USH2A: variants seen among roughly 807,000 people sequenced by gnomAD.
USH2A encodes usherin.
USH2A carries 443 observed loss-of-function variants against 538.9 expected under a neutral mutation model. The ratio of observed to expected loss-of-function variants is 0.82; its 90% CI spans 0.76 to 0.89. The LOEUF is 0.89. USH2A is among the 40% of genes least tolerant of loss of function. The probability of loss-of-function intolerance (pLI) is 0.00; values close to 1 mark genes in which losing one functional copy is unlikely to be tolerated. For missense variants in USH2A, 6,633 were observed against 6,324.8 expected (o/e 1.05, Z -1.65); for synonymous variants, 2,413 against 2,273.5 (o/e 1.06, Z -1.75).
At chr1:216,020,750 G>A (rs1668827114) in intron 32 of USH2A, among the ~76,000 whole-genome samples, 1 of 152,094 alleles carries the variant, frequency 6.6e-6, no homozygotes, top group Non-Finnish European at 1.5e-5. Flanking sequence ...ATCATCAATG[G>A]CTAATGATTT....
chr1:215,956,722 A>C (rs567793816), intron 37 of USH2A, among the ~76,000 whole-genome samples: 1 of 152,184 alleles, frequency 6.6e-6, no homozygotes, highest in Non-Finnish European at 1.5e-5. Flanking sequence ...GCACTTGTTC[A>C]TTATGTCAAG....
chr1:215,645,955 T>C (rs1656838430), intron 67 of USH2A, among the ~76,000 whole-genome samples: 1 of 152,186 alleles, frequency 6.6e-6, no homozygotes, highest in Admixed American at 6.5e-5. Flanking sequence ...AATTAATTTA[T>C]ATATGGAATA....
chr1:215,625,669 TATAGG>T lies in USH2A; in HGVS notation c.*107_*111del. 3.1e-6 allele frequency: 3 copies of T among 971,192 alleles called. No homozygotes were observed. The highest frequency in any genetic ancestry group is 1.3e-5 in the South Asian group (1 of 74,338). 60.2% of individuals were successfully genotyped at this position (971,192 alleles called of 1,614,324 possible). ...AACAGTCATCATTTCTTTAAAGAAT[TATAGG>T]ATAATAAACAATGGCTTTTCAGCAT... On this transcript the variant is annotated 3_prime_UTR_variant, in exon 72 of 72. Transcript: ENST00000307340.
In USH2A at chr1:215,879,053, A is replaced by G. The variant is rs1159548477; in HGVS notation, c.8269T>C (p.Tyr2757His). Reference protein sequence around the residue: ...PLIQNGDILSYEIHMPDPHIT... With the variant: ...PLIQNGDILSHEIHMPDPHIT... ...TGAGGGTCAGGCATGTGAATCTCAT[A>G]GCTAAGTATGTCTCCGTTCTGGATG... The change falls in exon 42 of 72, where the codon TAT becomes CAT. Residue 2757 changes from tyrosine (Y) to histidine (H), a missense_variant. Physicochemically the swap from Tyr to His is moderately conservative, Grantham distance 83 (BLOSUM62 2). Transcript: ENST00000307340. 3 of 1,613,972 alleles carry G rather than the reference A, an allele frequency of 1.9e-6. No individual in the cohort carries two copies. The African/African-American group carries it at 4.0e-5, about 22-fold the overall frequency.
chr1:216,035,443 A>T (rs566252847), intron 32 of USH2A, among the ~76,000 whole-genome samples: 1 of 152,160 alleles, frequency 6.6e-6, no homozygotes, highest in Non-Finnish European at 1.5e-5. Flanking sequence ...GATGAAACAG[A>T]TTCCTCCTCA....
chr1:215,733,048 T>C (rs1043831729), intron 60 of USH2A, among the ~76,000 whole-genome samples: 2 of 152,050 alleles, frequency 1.3e-5, no homozygotes, highest in Non-Finnish European at 2.9e-5. Context: ...AGAATAGGGA[T>C]TTAACTGGCT....
At chr1:215,873,475 C>T (rs11120681) in intron 43 of USH2A, among the ~76,000 whole-genome samples, 4,066 of 152,186 alleles carry the variant, frequency 0.027, 175 homozygotes, top group African/African-American at 0.093. Flanking sequence ...ATGCAGATGT[C>T]ATCTATACAT....
intron 4 of USH2A, among the ~76,000 whole-genome samples, chr1:216,330,436 T>G (rs1553251212): frequency 6.6e-6 from 1 of 151,938 alleles, no homozygotes; most frequent in Non-Finnish European, 1.5e-5. Flanking sequence ...GACAGGGGAA[T>G]GGGAATGAGT....
At chr1:215,811,226 T>A (rs1662665095) in intron 49 of USH2A, among the ~76,000 whole-genome samples, 1 of 152,216 alleles carries the variant, frequency 6.6e-6, no homozygotes, top group African/African-American at 2.4e-5. Flanking sequence ...ACAAACTTGC[T>A]CCTTGCTTGG....
At chr1:216,377,820 A>AG (rs1491454613) in intron 3 of USH2A, among the ~76,000 whole-genome samples, 6 of 22,708 alleles carry the variant, frequency 2.6e-4, no homozygotes, top group African/African-American at 5.2e-4. Context: ...AGAAAGAAAG[A>AG]AAGAAAGAAA....
rs117461552 is a variant in USH2A, at chr1:215,993,142, A to T, written c.6683T>A (p.Val2228Glu). The change falls in exon 35 of 72, where the codon GTG becomes GAG. Residue 2228 changes from valine to glutamate, a missense_variant. Physicochemically the swap from Val to Glu is moderately radical, Grantham distance 121 (BLOSUM62 -2). Coordinates refer to ENST00000307340, the MANE Select transcript of USH2A (RefSeq NM_206933.4). ...LGACTGGGCT[V>E]SEASEALTDE... ...AGTTAGGGCCTCACTGGCCTCACTC[A>T]CTGTGCACCCACCACCTGTGCAAGC... 375 of 1,613,966 alleles carry T rather than the reference A, an allele frequency of 2.3e-4. 3 individuals carry two copies. The East Asian group carries it at 8.1e-3, about 35-fold the overall frequency.
At chr1:215,648,875 C>A in intron 65 of USH2A, 109 bp from the exon 66 acceptor site, 2 of 1,037,496 alleles carry the variant, frequency 1.9e-6, no homozygotes, top group East Asian at 4.7e-5. Flanking sequence ...GCCAGGCACT[C>A]TGGGAGACAC....
chr1:216,383,885 G>A (rs1285227935), intron 3 of USH2A, among the ~76,000 whole-genome samples: 4 of 130,606 alleles, frequency 3.1e-5, no homozygotes, highest in African/African-American at 1.3e-4. Flanking sequence ...TTTTTTTGTA[G>A]AGATGACGTC....
At chr1:216,227,492 T>C (rs1445836501) in intron 14 of USH2A, among the ~76,000 whole-genome samples, 1 of 151,958 alleles carries the variant, frequency 6.6e-6, no homozygotes, top group Non-Finnish European at 1.5e-5. Flanking sequence ...TATAGAGAGA[T>C]GTTTGAGTTA....
intron 38 of USH2A, among the ~76,000 whole-genome samples, chr1:215,904,484 C>G (rs1478779939): frequency 6.6e-6 from 1 of 152,114 alleles, no homozygotes; most frequent in East Asian, 1.9e-4. Context: ...ATTCTGGAAA[C>G]CTTCCTTTCC....
At chr1:216,318,407 T>C (rs1245105287) in intron 9 of USH2A, among the ~76,000 whole-genome samples, 1 of 152,174 alleles carries the variant, frequency 6.6e-6, no homozygotes, top group Non-Finnish European at 1.5e-5. Context: ...AAGACGACTT[T>C]TCTCAGATAT....
rs138425892 is a variant in USH2A at position 216,267,555 on chromosome 1, G to A, written c.1972-16457C>T. On this transcript the variant is annotated intron_variant, in intron 11 of 71. Coordinates refer to ENST00000307340, the MANE Select transcript of USH2A (RefSeq NM_206933.4). ...CAGAGACACACATTAATAATGGAAC[G>A]GATGGGAGAAGTCAAGTTCACAGCC... 2.0e-4 allele frequency among the ~76,000 whole-genome samples: 30 copies of A among 152,088 alleles called. No individual in the cohort carries two copies. The East Asian group carries it at 4.7e-3, about 24-fold the overall frequency.
chr1:215,674,182 T>C lies in USH2A; in HGVS notation c.13729A>G (p.Thr4577Ala). 6.2e-7 allele frequency: 1 copy of C among 1,614,156 alleles called. No individual in the cohort carries two copies. Among genetic ancestry groups the C allele is most frequent in the Middle Eastern group, 1.6e-4 (1 of 6,062 alleles). Residue 4577 changes from threonine (T) to alanine (A), a missense_variant, in exon 63 of 72, where the codon ACT (threonine) becomes GCT (alanine). Coordinates refer to ENST00000307340, the MANE Select transcript of USH2A (RefSeq NM_206933.4). ...LFIRELFERETKIIHINTTHN... is the reference protein window; with the variant it reads ...LFIRELFEREAKIIHINTTHN... ...GTTGTGTTTATGTGTATGATTTTAG[T>C]TTCTCTTTCAAATAGTTCACGGATG... is the stretch of plus-strand genomic sequence containing the variant.
At chr1:216,273,068 G>A (rs964275766) in intron 11 of USH2A, among the ~76,000 whole-genome samples, 1 of 151,998 alleles carries the variant, frequency 6.6e-6, no homozygotes, top group African/African-American at 2.4e-5. Context: ...GCTGTGCCCA[G>A]AAGCCTCCCA....
Sources: allele counts gnomAD v4.1 joint callset (sites outside exome capture counted in the v4.1 genomes callset), GRCh38; gene constraint gnomAD v4.1.1; transcripts MANE v1.5; gene names NCBI Gene and HGNC (gene_info 2026-07-23, HGNC 2026-07-21).